Variants in FAAP20 observed in about 807,000 individuals in gnomAD.
FAAP20 encodes Fanconi anemia core complex-associated protein 20.
A neutral mutation model predicts 16.2 loss-of-function variants in FAAP20; 12 were observed. The observed-to-expected ratio is 0.74, with a 90% confidence interval of 0.48 to 1.20. FAAP20 has a LOEUF of 1.20. Among genes scored for constraint, FAAP20 ranks in the 50% most tolerant of loss-of-function variants. The pLI, the probability that FAAP20 is intolerant of heterozygous loss-of-function variation, is 0.00. For synonymous variants in FAAP20, 141 were observed against 110.7 expected, an observed-to-expected ratio of 1.27 and a Z score of -1.72; for missense variants, 288 against 245.8, an observed-to-expected ratio of 1.17 and a Z score of -1.15.
At chr1:2,188,736 T>C (rs573081795), downstream of FAAP20, among the ~76,000 whole-genome samples, 1 of 152,198 alleles carries the variant, frequency 6.6e-6, no homozygotes, top group African/African-American at 2.4e-5. Flanking sequence ...TGGAGCGCGG[T>C]GGCTCACGCC....
downstream of FAAP20, among the ~76,000 whole-genome samples, chr1:2,211,592 C>T (rs1419814052): frequency 1.4e-5 from 2 of 147,018 alleles, no homozygotes; most frequent in Non-Finnish European, 3.0e-5. Context: ...GGACTACAGG[C>T]ACCCGCCACC....
upstream of FAAP20, chr1:2,198,555 A>G (rs756908429): frequency 9.0e-5 from 67 of 742,256 alleles, 1 homozygote; most frequent in Non-Finnish European, 1.2e-4. Flanking sequence ...CACCCTGCAA[A>G]TCAGGCTAAG....
intron 3 of FAAP20, chr1:2,192,677 A>G (rs577550357): frequency 8.4e-7 from 1 of 1,190,694 alleles, no homozygotes; most frequent in Non-Finnish European, 1.1e-6. Flanking sequence ...GCAGTGGTGC[A>G]ATCATACTTC....
In FAAP20 at chr1:2,194,080, A is replaced by C. The variant is rs1178723175; in HGVS notation, c.116T>G (p.Leu39Arg). 2 of 1,612,336 alleles carry C rather than the reference A, an allele frequency of 1.2e-6. No individual in the cohort carries two copies. Among genetic ancestry groups the C allele is most frequent in the African/African-American group, 2.7e-5 (2 of 74,822 alleles). The change falls in exon 2 of 4, where the codon CTC (leucine) becomes CGC (arginine). Residue 39 changes from leucine to arginine, a missense_variant. Physicochemically the swap from Leu to Arg is moderately radical, Grantham distance 102. Coordinates refer to ENST00000378546, the MANE Select transcript of FAAP20 (RefSeq NM_182533.4). ...CACCGTGCGCAGTAGCTCGGCCCAG[A>C]GCCGCTCCCGCTCATCACCCCCCAG... ...FLLGGDERER[L>R]WAELLRTVSP...
downstream of FAAP20, among the ~76,000 whole-genome samples, chr1:2,188,758 C>T (rs1176285855): frequency 6.6e-6 from 1 of 152,210 alleles, no homozygotes; most frequent in African/African-American, 2.4e-5. Flanking sequence ...GTAATCCCAG[C>T]ACTTCGGGAG....
chr1:2,204,635 C>T (rs1479641003), upstream of FAAP20, among the ~76,000 whole-genome samples: 2 of 152,114 alleles, frequency 1.3e-5, no homozygotes, highest in Non-Finnish European at 2.9e-5. Context: ...GGACGTCAGC[C>T]GGGTGGATTC....
rs116484198 is a variant in FAAP20 at position 2,190,787 on chromosome 1, G to A, written c.471-1006C>T. On this transcript the variant is annotated intron_variant, in intron 3 of 3. Transcript: ENST00000378546. ...CCCCCACTGAGCGGCCAAGTCCACA[G>A]GACACGTGTCCCTGTGTCCACCTGT... 856 of 262,386 alleles carry A rather than the reference G, an allele frequency of 3.3e-3. 10 individuals are homozygous for A. The highest frequency in any genetic ancestry group is 0.018 in the African/African-American group (807 of 45,674). 16.3% of individuals were successfully genotyped at this position (262,386 alleles called of 1,614,324 possible).
At chr1:2,184,902 C>G (rs780864768), downstream of FAAP20, 1 of 1,608,318 alleles carries the variant, frequency 6.2e-7, no homozygotes, top group South Asian at 1.1e-5. Context: ...CCCCCTCCCC[C>G]CTGCCACCTT....
downstream of FAAP20, chr1:2,184,922 G>C: frequency 6.2e-7 from 1 of 1,613,606 alleles, no homozygotes; most frequent in Non-Finnish European, 8.5e-7. Context: ...TTGCCCACAG[G>C]GATGCCATAA....
At chr1:2,192,770 C>T (rs1239673350) in intron 3 of FAAP20, 51 of 1,101,106 alleles carry the variant, frequency 4.6e-5, no homozygotes, top group Admixed American at 2.6e-4. Flanking sequence ...CGCGCCACCA[C>T]GCCCAGGCAT....
At chr1:2,194,570 G>T in intron 1 of FAAP20, 118 bp downstream of exon 1, 1 of 428,346 alleles carries the variant, frequency 2.3e-6, no homozygotes, top group Non-Finnish European at 3.4e-6. Flanking sequence ...GTGGGGGCCG[G>T]GCCCGGGGGC....
At chr1:2,201,821 T>C (rs532288619), upstream of FAAP20, among the ~76,000 whole-genome samples, 19 of 151,882 alleles carry the variant, frequency 1.3e-4, no homozygotes, top group Non-Finnish European at 2.4e-4. Flanking sequence ...CTTGAGACCA[T>C]CTTGGCTAAC....
downstream of FAAP20, chr1:2,184,674 C>T (rs1229062269): frequency 6.2e-7 from 1 of 1,613,822 alleles, no homozygotes; most frequent in Non-Finnish European, 8.5e-7. Flanking sequence ...ACCAGCGAGC[C>T]CGTGCAGCTG....
upstream of FAAP20, among the ~76,000 whole-genome samples, chr1:2,202,774 C>A (rs897379914): frequency 6.6e-6 from 1 of 152,150 alleles, no homozygotes; most frequent in African/African-American, 2.4e-5. Flanking sequence ...CTGCACCAGG[C>A]CCTGGCTAAT....
At chr1:2,206,815 G>C (rs1468172617) in intron 1 of FAAP20, 5 of 145,102 alleles carry the variant, frequency 3.4e-5, no homozygotes, top group Non-Finnish European at 7.5e-5. Context: ...CCTGGGCAAC[G>C]GAGCGAGACT....
downstream of FAAP20, chr1:2,185,091 G>A: frequency 7.3e-7 from 1 of 1,360,580 alleles, no homozygotes; most frequent in Non-Finnish European, 1.0e-6. Context: ...TGCCAGGCTG[G>A]GCACGGCTCC....
At chr1:2,201,306 C>G (rs1392747380), upstream of FAAP20, 1 of 1,057,952 alleles carries the variant, frequency 9.5e-7, no homozygotes, top group Non-Finnish European at 1.2e-6. Context: ...GGTGAGCGAC[C>G]TCTGTAGGCT....
At chr1:2,210,495 G>A (rs1689406981), downstream of FAAP20, among the ~76,000 whole-genome samples, 6 of 152,186 alleles carry the variant, frequency 3.9e-5, no homozygotes, top group South Asian at 1.2e-3. Context: ...CCAGGTGGGG[G>A]TGGGGCTGAT....
chr1:2,199,187 C>T (rs1031401797), upstream of FAAP20: 507 of 1,174,112 alleles, frequency 4.3e-4, 11 homozygotes, highest in Non-Finnish European at 9.6e-5. The surrounding 1 kb of genome is among the most constrained non-coding windows in gnomAD (Gnocchi z 4.5). Flanking sequence ...GTGTCTGGGC[C>T]AGCATCCCCG....
Sources: allele counts gnomAD v4.1 joint callset (sites outside exome capture counted in the v4.1 genomes callset), GRCh38; gene constraint gnomAD v4.1.1; non-coding constraint Gnocchi (gnomAD v3.1); transcripts MANE v1.5; gene names NCBI Gene and HGNC (gene_info 2026-07-23, HGNC 2026-07-21).